The following TBC1D25 variants were observed in gnomAD, a reference collection of about 807,000 sequenced individuals.
TBC1D25 encodes the protein 5SN3 snoRNA.
TBC1D25 carries 13 observed loss-of-function variants against 38.8 expected under a neutral mutation model. The observed-to-expected ratio is 0.34, with a 90% CI of 0.22 to 0.53. The LOEUF is 0.53. Ranked by LOEUF, TBC1D25 falls within the 20% of genes least tolerant of loss-of-function variation. TBC1D25 has a pLI of 0.94. For missense variants in TBC1D25, 372 were observed against 600.0 expected (o/e 0.62, Z 3.97); for synonymous variants, 225 against 255.6 (o/e 0.88, Z 1.14).
chrX:48,545,149 G>A, intron 3 of TBC1D25, 126 bp downstream of exon 3: 1 of 880,359 alleles, frequency 1.1e-6, no homozygotes, highest in Non-Finnish European at 1.5e-6. Context: ...ATAGATCCTG[G>A]CTCAGCCACT....
rs1556985577 is a variant in TBC1D25 at position 48,559,846 on chromosome X, C to T, written c.938C>T (p.Ala313Val). The part of the protein sequence containing the change: ...AGPEDGPHLR[A>V]LHDLLTTYAV... ...CCTGAGGATGGCCCACATCTACGGG[C>T]GCTGCACGACCTGCTCACCACCTAT... Residue 313 changes from alanine (A) to valine (V), a missense_variant, in exon 6 of 6, where the codon GCG becomes GTG. By Grantham distance (64) the Ala-to-Val change is moderately conservative. This residue lies in a region of TBC1D25 where 312 missense variants were observed against 549.3 expected (regional missense o/e 0.57). Transcript: ENST00000376771. 2 of 1,211,681 alleles carry T rather than the reference C, an allele frequency of 1.7e-6. No individual in the cohort carries two copies. Among genetic ancestry groups the T allele is most frequent in the African/African-American group, 1.7e-5 (1 of 57,830 alleles).
chrX:48,555,694 C>CA lies in TBC1D25; in HGVS notation c.389-3202dup, dbSNP rs2061969931. ...ACCAGCGCCGGTCTCTGAGTTCCCT[C>CA]AGTATTTATTGATCACTATTTTTAC... On this transcript the variant is annotated intron_variant, in intron 3 of 5. Coordinates refer to ENST00000376771, the MANE Select transcript of TBC1D25 (RefSeq NM_002536.4). 4.5e-5 allele frequency among the ~76,000 whole-genome samples: 5 copies of CA among 111,104 alleles called. No homozygotes were observed. In the South Asian group the frequency reaches 1.2e-3, roughly 26 times the overall value.
intron 3 of TBC1D25, among the ~76,000 whole-genome samples, chrX:48,550,785 A>G (rs1476265651): frequency 1.8e-5 from 2 of 109,407 alleles, no homozygotes; most frequent in African/African-American, 6.7e-5. Flanking sequence ...TCAGTCTCCC[A>G]AGTAGCTGGG....
chrX:48,559,272 G>A lies in TBC1D25; in HGVS notation c.631G>A (p.Glu211Lys), dbSNP rs1261777146. 2.5e-6 allele frequency: 3 copies of A among 1,209,151 alleles called. No individual in the cohort carries two copies. Among genetic ancestry groups the A allele is most frequent in the Non-Finnish European group, 3.4e-6 (3 of 894,937 alleles). Residue 211 changes from glutamate to lysine, a missense_variant, in exon 5 of 6, where the codon GAG becomes AAG. Physicochemically the swap from Glu to Lys is moderately conservative, Grantham distance 56. Coordinates refer to ENST00000376771, the MANE Select transcript of TBC1D25 (RefSeq NM_002536.4). Reference protein sequence around the residue: ...DAEFHTYLNHEGQLSRPEELR... With the variant: ...DAEFHTYLNHKGQLSRPEELR... ...TGAGTTTCACACGTACCTGAACCAC[G>A]AGGGCCAGCTCTCCCGACCCGAGGA... is the stretch of plus-strand genomic sequence containing the variant.
Position 48,560,963 on chromosome X carries a change from A to T in TBC1D25, c.2055A>T (p.Thr685=). The T allele has an allele frequency of 8.4e-7, 1 of 1,191,878 alleles. No homozygotes were observed. The highest frequency in any genetic ancestry group is 1.1e-6 in the Non-Finnish European group (1 of 885,817). The change falls in exon 6 of 6, where the codon ACA becomes ACT. Residue 685 remains threonine (T), a synonymous_variant. Coordinates refer to ENST00000376771, the MANE Select transcript of TBC1D25 (RefSeq NM_002536.4). ...ACTCAGAGGAGGGGGCTGAGGCCAC[A>T]GCCGCATCTTGATCAGGCTTTCTCA... ...VWDSEEGAEA[T]AAS
intron 2 of TBC1D25, among the ~76,000 whole-genome samples, chrX:48,543,938 T>G (rs1556980990): frequency 9.0e-6 from 1 of 110,865 alleles, no homozygotes; most frequent in Admixed American, 9.6e-5. Flanking sequence ...AATGCCTGTT[T>G]CCCTCACACC....
intron 3 of TBC1D25, among the ~76,000 whole-genome samples, chrX:48,546,192 G>A (rs1426554466): frequency 3.3e-3 from 232 of 69,389 alleles, no homozygotes; most frequent in Middle Eastern, 0.014. Flanking sequence ...CAGCCTGGGT[G>A]ACAGAGCGAG....
Position 48,539,812 on chromosome X carries a change from C to G in TBC1D25, c.15C>G (p.Ser5=). MATA[S]GASDLSGSGA... ...GCGGCGGCGGGATGGCAACAGCCTC[C>G]GGGGCCTCGGACTTGTCTGGCTCCG... Residue 5 remains serine, a synonymous_variant, in exon 1 of 6, where the codon TCC becomes TCG. Transcript: ENST00000376771. The G allele has an allele frequency of 1.0e-6, 1 of 964,115 alleles. No homozygotes were observed. Among genetic ancestry groups the G allele is most frequent in the Admixed American group, 5.7e-5 (1 of 17,447 alleles). 79.5% of individuals were successfully genotyped at this position (964,115 alleles called of 1,213,427 possible).
chrX:48,546,374 G>A (rs868974731), intron 3 of TBC1D25, among the ~76,000 whole-genome samples: 8 of 108,380 alleles, frequency 7.4e-5, no homozygotes, highest in Middle Eastern at 9.4e-3. Context: ...ATAGCCGGGC[G>A]TGGTGGCGGG....
intron 2 of TBC1D25, among the ~76,000 whole-genome samples, chrX:48,543,822 T>C (rs2061860612): frequency 1.9e-5 from 2 of 103,160 alleles, no homozygotes; most frequent in Admixed American, 2.1e-4. Context: ...AGGCGGAGCT[T>C]GCAGCGAGCC....
chrX:48,541,353 G>A lies in TBC1D25; in HGVS notation c.144G>A (p.Pro48=), dbSNP rs782683439. ...VRVKKCESFL[P]PEFRSFAVDP... ...CCCAGAAATGTGAGAGCTTCTTGCC[G>A]CCAGAGTTCCGCTCTTTTGCTGTAG... Residue 48 remains proline, a synonymous_variant, in exon 2 of 6, where the codon CCG becomes CCA. Transcript: ENST00000376771. 14 of 1,209,817 alleles carry A rather than the reference G, an allele frequency of 1.2e-5. No homozygotes were observed. The South Asian group carries it at 1.2e-4, about 11-fold the overall frequency.
chrX:48,541,399 G>A lies in TBC1D25; in HGVS notation c.190G>A (p.Asp64Asn), dbSNP rs782004347. 2 of 1,210,411 alleles carry A rather than the reference G, an allele frequency of 1.7e-6. No individual in the cohort carries two copies. Among genetic ancestry groups the A allele is most frequent in the African/African-American group, 1.7e-5 (1 of 57,303 alleles). ...TGTAGATCCCCAGATCACCTCGCTC[G>A]ACGTGTTGCAGCACATCCTCATCCG... Reference protein sequence around the residue: ...FAVDPQITSLDVLQHILIRAF... With the variant: ...FAVDPQITSLNVLQHILIRAF... Residue 64 changes from aspartate to asparagine, a missense_variant, in exon 2 of 6, where the codon GAC becomes AAC. This residue lies in a region of TBC1D25 where 312 missense variants were observed against 549.3 expected (regional missense o/e 0.57). Transcript: ENST00000376771.
In TBC1D25 at chrX:48,559,650, G is replaced by A; in HGVS notation, c.742G>A (p.Gly248Arg). 1 of 1,211,427 alleles carries A rather than the reference G, an allele frequency of 8.3e-7. No individual in the cohort carries two copies. Among genetic ancestry groups the A allele is most frequent in the Admixed American group, 2.2e-5 (1 of 46,004 alleles). ...GTACCTGCTGAACGTGTATCCAGAT[G>A]GACTGACAGGCCGAGAGCGGATGGA... ...WRYLLNVYPDGLTGRERMDYM... is the reference protein window; with the variant it reads ...WRYLLNVYPDRLTGRERMDYM... The change falls in exon 6 of 6, where the codon GGA becomes AGA. Residue 248 changes from glycine (G) to arginine (R), a missense_variant. Gly to Arg is a moderately radical substitution (Grantham distance 125). Transcript: ENST00000376771.
In TBC1D25 at chrX:48,539,980, G is replaced by A. The variant is rs782694273; in HGVS notation, c.123+60G>A. The A allele has an allele frequency of 5.6e-5, 53 of 941,434 alleles. No homozygotes were observed. In the African/African-American group the frequency reaches 1.1e-3, roughly 19 times the overall value. The allele number at this position is 941,434 out of a possible 1,213,427, so 77.6% of individuals were successfully genotyped here. ...GCATCCCAGGGGAGGGGGAGGCGGT[G>A]GCTGTCATAGGATGGAGGGCGGGAC... On this transcript the variant is annotated intron_variant, in intron 1 of 5. Transcript: ENST00000376771.
intron 1 of TBC1D25, among the ~76,000 whole-genome samples, chrX:48,540,404 G>A (rs1484920884): frequency 8.9e-6 from 1 of 112,292 alleles, no homozygotes; most frequent in African/African-American, 3.2e-5. Context: ...AGGGAGTCAC[G>A]TTAGCCAAGG....
At chrX:48,543,883 CA>C (rs56088321) in intron 2 of TBC1D25, among the ~76,000 whole-genome samples, 19 of 72,651 alleles carry the variant, frequency 2.6e-4, no homozygotes, top group East Asian at 4.5e-4. Flanking sequence ...GACTCCGTCT[CA>C]AAAAAAAAAA....
intron 2 of TBC1D25, among the ~76,000 whole-genome samples, chrX:48,542,369 T>C (rs1417228288): frequency 3.7e-5 from 4 of 108,976 alleles, no homozygotes; most frequent in African/African-American, 1.3e-4. Context: ...GGTTTCACCA[T>C]GTTGGTCAGG....
chrX:48,539,963 G>T, intron 1 of TBC1D25, 43 bp downstream of exon 1: 1 of 946,303 alleles, frequency 1.1e-6, no homozygotes, highest in Non-Finnish European at 1.3e-6. Context: ...AGGCATCCCA[G>T]GGGAGGGGGA....
rs930373594 is a variant in TBC1D25 at position 48,541,645 on chromosome X, C to T, written c.233+203C>T. 5.9e-5 allele frequency: 27 copies of T among 454,862 alleles called. No homozygotes were observed. In the South Asian group the frequency reaches 8.4e-4, roughly 14 times the overall value. The allele number at this position is 454,862 out of a possible 1,213,427, so 37.5% of individuals were successfully genotyped here. A position where few individuals can be genotyped will look rare whatever the true frequency, so the allele number is the denominator to read the frequency against. ...GCAGTTTCAGTTACCCATGGTCAAC[C>T]TCAGTCTGCAAATATTACATACAAT... On this transcript the variant is annotated intron_variant, in intron 2 of 5. Transcript: ENST00000376771.
Sources: allele counts gnomAD v4.1 joint callset (sites outside exome capture counted in the v4.1 genomes callset), GRCh38; gene constraint gnomAD v4.1.1; regional missense constraint gnomAD v4.1.1; transcripts MANE v1.5; gene names NCBI Gene and HGNC (gene_info 2026-07-23, HGNC 2026-07-21).